MAL: variants seen among roughly 807,000 people sequenced by gnomAD.
MAL encodes mal, T cell differentiation protein (MAL blood group).
Under a neutral mutation model 16.7 loss-of-function variants are expected in MAL, and 5 were observed. The observed-to-expected ratio is 0.30, with a 90% CI of 0.16 to 0.63. The LOEUF (loss-of-function observed/expected upper bound fraction) is 0.63, where lower values mean the gene tolerates loss of function less well. Among genes scored for constraint, MAL ranks in the 30% least tolerant of loss-of-function variants. The pLI, the probability that MAL is intolerant of heterozygous loss-of-function variation, is 0.82. For synonymous variants in MAL, 96 were observed against 85.5 expected (o/e 1.12, Z -0.67); for missense variants, 202 against 195.8 (o/e 1.03, Z -0.19).
chr2:95,038,554 G>GAGCA (rs1674325276), intron 1 of MAL, among the ~76,000 whole-genome samples: 1 of 151,684 alleles, frequency 6.6e-6, no homozygotes, highest in African/African-American at 2.4e-5. Flanking sequence ...GTGACTGAGT[G>GAGCA]AGTGAGTGAG....
chr2:95,046,930 G>GAAAGAGAAAGAAAGAAAGAGA (rs1674600969), intron 1 of MAL, among the ~76,000 whole-genome samples: 1 of 144,794 alleles, frequency 6.9e-6, no homozygotes, highest in Non-Finnish European at 1.5e-5. Context: ...AAGAAAGAGA[G>GAAAGAGAAAGAAAGAAAGAGA]AAAGAGAAAG....
At chr2:95,050,750 G>A (rs1476204925) in intron 3 of MAL, among the ~76,000 whole-genome samples, 3 of 152,078 alleles carry the variant, frequency 2.0e-5, no homozygotes, top group Admixed American at 6.5e-5. Context: ...CCCTAAAAAG[G>A]GCCCCCTCAG....
chr2:95,036,769 G>GTGAC (rs1442264864), intron 1 of MAL, among the ~76,000 whole-genome samples: 3 of 151,640 alleles, frequency 2.0e-5, no homozygotes, highest in Non-Finnish European at 4.4e-5. Context: ...GACTGAGTGA[G>GTGAC]TGAGTGACTG....
At chr2:95,040,371 G>A (rs1340123797) in intron 1 of MAL, among the ~76,000 whole-genome samples, 7 of 151,614 alleles carry the variant, frequency 4.6e-5, no homozygotes, top group Admixed American at 2.0e-4. Context: ...ATAGGCACAT[G>A]CATGCACATA....
At position 95,046,557 on chromosome 2, in the gene MAL, C is replaced by T. The variant is rs148076777; in HGVS notation, c.94-1402C>T. Among the ~76,000 whole-genome samples the T allele has an allele frequency of 4.2e-3, 635 of 152,246 alleles. 25 individuals carry two copies. The highest frequency in any genetic ancestry group is 0.035 in the Admixed American group (528 of 15,288). ...CGGGTTTGTATGTGTCCATCCACGG[C>T]GAGGAGCGGGGCTGGGCTACTGAGG... is the stretch of plus-strand genomic sequence containing the variant. On this transcript the variant is annotated intron_variant, in intron 1 of 3. Transcript: ENST00000309988.
At chr2:95,037,096 AGTGG>A (rs1674237326) in intron 1 of MAL, among the ~76,000 whole-genome samples, 2 of 149,306 alleles carry the variant, frequency 1.3e-5, no homozygotes, top group South Asian at 2.1e-4. Flanking sequence ...TGAGTGAGTG[AGTGG>A]GTGAGTGAGT....
intron 1 of MAL, among the ~76,000 whole-genome samples, chr2:95,038,345 T>A (rs1313768909): frequency 6.7e-6 from 1 of 149,042 alleles, no homozygotes; most frequent in Non-Finnish European, 1.5e-5. Flanking sequence ...AGTGAGTGAG[T>A]AACTGAGTGA....
chr2:95,039,292 CTGAGTGACTGAGTGGG>C (rs1674373604), intron 1 of MAL, among the ~76,000 whole-genome samples: 1 of 83,086 alleles, frequency 1.2e-5, no homozygotes, highest in Non-Finnish European at 2.5e-5. Flanking sequence ...GAGTGAGTGA[CTGAGTGACTGAGTGGG>C]TGAGTGAGTG....
chr2:95,039,504 GTGAC>G (rs1573294775), intron 1 of MAL, among the ~76,000 whole-genome samples: 1 of 151,168 alleles, frequency 6.6e-6, no homozygotes, highest in Non-Finnish European at 1.5e-5. Flanking sequence ...GAGTGGGTGA[GTGAC>G]TGAGTGAGTG....
At chr2:95,053,156 C>T (rs950449461) in intron 3 of MAL, 1 of 481,336 alleles carries the variant, frequency 2.1e-6, no homozygotes, top group African/African-American at 1.9e-5. Flanking sequence ...TTACCTTCCA[C>T]ACCAGATCCA....
chr2:95,036,269 AG>A (rs1239727508), intron 1 of MAL, among the ~76,000 whole-genome samples: 1 of 152,104 alleles, frequency 6.6e-6, no homozygotes, highest in Non-Finnish European at 1.5e-5. Flanking sequence ...TGATGCAGGG[AG>A]AGGGTCACCA....
intron 1 of MAL, among the ~76,000 whole-genome samples, chr2:95,034,690 G>A (rs754399456): frequency 6.6e-6 from 1 of 152,082 alleles, no homozygotes; most frequent in Non-Finnish European, 1.5e-5. Flanking sequence ...GAAAGGAACC[G>A]CCGAGCTTAT....
At chr2:95,049,887 A>G (rs1674680268) in intron 3 of MAL, among the ~76,000 whole-genome samples, 181 bp downstream of exon 3, 1 of 151,808 alleles carries the variant, frequency 6.6e-6, no homozygotes. Context: ...TGTTGTGCCC[A>G]AGACTCCGCT....
At chr2:95,045,724 C>T (rs1414902815) in intron 1 of MAL, among the ~76,000 whole-genome samples, 3 of 152,152 alleles carry the variant, frequency 2.0e-5, no homozygotes, top group African/African-American at 4.8e-5. Context: ...CCCGCTGGAT[C>T]CTCCTCCTAT....
intron 1 of MAL, among the ~76,000 whole-genome samples, chr2:95,039,167 A>T (rs1674364467): frequency 6.6e-6 from 1 of 150,590 alleles, no homozygotes; most frequent in South Asian, 2.1e-4. Flanking sequence ...TGAATGGGTG[A>T]GTGAGTGACT....
At chr2:95,042,691 A>G (rs1674497725) in intron 1 of MAL, among the ~76,000 whole-genome samples, 1 of 152,236 alleles carries the variant, frequency 6.6e-6, no homozygotes, top group Non-Finnish European at 1.5e-5. Context: ...CCGTGCCTCC[A>G]GGGTGCCAAT....
intron 1 of MAL, among the ~76,000 whole-genome samples, chr2:95,037,922 GACTGAGTGAGTGAGTGAGTA>G (rs1674286784): frequency 1.3e-5 from 2 of 151,172 alleles, no homozygotes; most frequent in South Asian, 2.1e-4. Context: ...GTGAGTGAGT[GACTGAGTGAGTGAGTGAGTA>G]ACTGAGTGAG....
intron 3 of MAL, 108 bp from the exon 4 acceptor site, chr2:95,053,273 C>G: frequency 1.3e-6 from 1 of 773,010 alleles, no homozygotes; most frequent in Non-Finnish European, 2.3e-6. Flanking sequence ...ACAGCCCAAG[C>G]TCTCTGGGTC....
chr2:95,027,147 G>A (rs1274351172), intron 1 of MAL, among the ~76,000 whole-genome samples: 1 of 152,112 alleles, frequency 6.6e-6, no homozygotes, highest in Non-Finnish European at 1.5e-5. Context: ...CGTTTACAGA[G>A]AGCCAGCCCC....
Sources: allele counts gnomAD v4.1 joint callset (sites outside exome capture counted in the v4.1 genomes callset), GRCh38; gene constraint gnomAD v4.1.1; transcripts MANE v1.5; gene names NCBI Gene and HGNC (gene_info 2026-07-23, HGNC 2026-07-21).